NAALADL2: variants seen among roughly 807,000 people sequenced by gnomAD.
NAALADL2 encodes inactive N-acetylated-alpha-linked acidic dipeptidase-like protein 2.
In NAALADL2, 76 loss-of-function variants were observed where a neutral mutation model predicts 87.2. That is an observed-to-expected ratio of 0.87 (90% confidence interval 0.72 to 1.05). NAALADL2 has a LOEUF of 1.05. NAALADL2 is among the 50% of genes least tolerant of loss of function. The pLI is 0.00. For missense variants in NAALADL2, 1,089 were observed against 945.8 expected (o/e 1.15, Z -1.99); for synonymous variants, 354 against 331.0 (o/e 1.07, Z -0.75).
chr3:175,177,295 T>G (rs561398324), intron 2 of NAALADL2, among the ~76,000 whole-genome samples: 1 of 152,278 alleles, frequency 6.6e-6, no homozygotes, highest in Non-Finnish European at 1.5e-5. Context: ...AAAGCTGCTA[T>G]CTGACCTCTA....
intron 11 of NAALADL2, among the ~76,000 whole-genome samples, chr3:175,717,337 C>T (rs1741446625): frequency 6.6e-6 from 1 of 152,088 alleles, no homozygotes; most frequent in African/African-American, 2.4e-5. Flanking sequence ...TCTCAATTTC[C>T]TCTAAGAACG....
At chr3:175,449,005 C>A (rs1581933160) in intron 6 of NAALADL2, among the ~76,000 whole-genome samples, 1 of 152,184 alleles carries the variant, frequency 6.6e-6, no homozygotes, top group African/African-American at 2.4e-5. Context: ...TATGAGCCAC[C>A]ATAACTGGAT....
At chr3:174,824,663 C>G (rs1340878529) in intron 3 of NAALADL2, among the ~76,000 whole-genome samples, 2 of 152,076 alleles carry the variant, frequency 1.3e-5, no homozygotes, top group East Asian at 3.9e-4. Context: ...CTAGATAAAT[C>G]AATCAATTAG....
At chr3:174,598,607 G>A (rs774495331) in intron 2 of NAALADL2, among the ~76,000 whole-genome samples, 28 of 152,102 alleles carry the variant, frequency 1.8e-4, no homozygotes, top group Non-Finnish European at 2.8e-4. Flanking sequence ...TCCTGATAAG[G>A]AGAATTATGA....
chr3:175,213,595 AT>A (rs1384925147), intron 2 of NAALADL2, among the ~76,000 whole-genome samples: 1 of 152,206 alleles, frequency 6.6e-6, no homozygotes, highest in Non-Finnish European at 1.5e-5. Flanking sequence ...GTAACTATGC[AT>A]TTACATAGTG....
At chr3:174,816,456 G>C (rs1228802351) in intron 3 of NAALADL2, among the ~76,000 whole-genome samples, 1 of 149,588 alleles carries the variant, frequency 6.7e-6, no homozygotes, top group Non-Finnish European at 1.5e-5. Flanking sequence ...GACAGAGGGA[G>C]AGACTATATA....
chr3:175,578,532 A>T, intron 10 of NAALADL2, among the ~76,000 whole-genome samples: 1 of 152,188 alleles, frequency 6.6e-6, no homozygotes, highest in Non-Finnish European at 1.5e-5. Flanking sequence ...TATACCCCTT[A>T]TATCATTTAT....
rs1206470308 is a variant in NAALADL2, at chr3:175,809,510, TTAAAAAAAAAAAAAA to T, written c.*6308_*6322del. 1.6e-3 allele frequency: 56 copies of T among 34,390 alleles called. No individual in the cohort carries two copies. Among genetic ancestry groups the T allele is most frequent in the African/African-American group, 3.4e-3 (52 of 15,104 alleles). The allele number at this position is 34,390 out of a possible 1,614,324, so 2.1% of individuals were successfully genotyped here. On this transcript the variant is annotated 3_prime_UTR_variant, in exon 14 of 14. Transcript: ENST00000454872. ...GCAACAAAGTGAGACCCTGTCTCTC[TTAAAAAAAAAAAAAA>T]AAAAAAAAAAAAAAGAAAAGAAAAA...
chr3:175,228,019 T>A (rs529337199), intron 2 of NAALADL2, among the ~76,000 whole-genome samples: 1 of 152,088 alleles, frequency 6.6e-6, no homozygotes, highest in East Asian at 1.9e-4. Context: ...GAAATCATAT[T>A]TTCTAGAGAC....
chr3:174,835,037 A>G (rs913536074), intron 3 of NAALADL2, among the ~76,000 whole-genome samples: 6 of 151,528 alleles, frequency 4.0e-5, no homozygotes, highest in Non-Finnish European at 7.4e-5. Flanking sequence ...TACACTTTCT[A>G]ATTTTAATAC....
At chr3:175,676,326 C>G (rs1734775130) in intron 11 of NAALADL2, 1 of 152,158 alleles carries the variant, frequency 6.6e-6, no homozygotes, top group Admixed American at 6.6e-5. Flanking sequence ...ATAGAACCAT[C>G]CTCCCTCTTA....
At chr3:174,666,105 T>A (rs934643467) in intron 2 of NAALADL2, among the ~76,000 whole-genome samples, 1 of 152,128 alleles carries the variant, frequency 6.6e-6, no homozygotes, top group Admixed American at 6.6e-5. Flanking sequence ...TGGGGTATAG[T>A]TTATTCCATG....
At chr3:175,072,858 A>G (rs920449632) in intron 1 of NAALADL2, among the ~76,000 whole-genome samples, 1 of 152,046 alleles carries the variant, frequency 6.6e-6, no homozygotes, top group Non-Finnish European at 1.5e-5. Flanking sequence ...AAAAAAACGA[A>G]AAATGGAAAA....
At chr3:174,856,347 A>G (rs1456587605), upstream of NAALADL2, among the ~76,000 whole-genome samples, 5 of 152,084 alleles carry the variant, frequency 3.3e-5, no homozygotes, top group Admixed American at 6.6e-5. Context: ...CTGAATCCAC[A>G]CTTTTCCTTT....
At chr3:175,191,001 AAAAG>A (rs1052113981) in intron 2 of NAALADL2, among the ~76,000 whole-genome samples, 7 of 151,058 alleles carry the variant, frequency 4.6e-5, no homozygotes, top group Non-Finnish European at 8.8e-5. Context: ...AAAAAAAAGA[AAAAG>A]AAAAGTAACC....
At chr3:175,423,098 C>A (rs1581819740) in intron 5 of NAALADL2, among the ~76,000 whole-genome samples, 1 of 135,012 alleles carries the variant, frequency 7.4e-6, no homozygotes. Context: ...GTTTATTTAG[C>A]TTTTAAAAAG....
chr3:175,013,316 T>TTTTTA (rs1750397154), intron 1 of NAALADL2, among the ~76,000 whole-genome samples: 6 of 127,004 alleles, frequency 4.7e-5, no homozygotes, highest in Non-Finnish European at 6.4e-5. Flanking sequence ...TTTTTTTTTT[T>TTTTTA]GAGACAGGGT....
At chr3:174,476,092 A>G (rs1413050904) in intron 1 of NAALADL2, among the ~76,000 whole-genome samples, 1 of 152,036 alleles carries the variant, frequency 6.6e-6, no homozygotes, top group African/African-American at 2.4e-5. Context: ...TCCAAATGTA[A>G]TATCTAATGA....
intron 1 of NAALADL2, among the ~76,000 whole-genome samples, chr3:175,033,588 T>G (rs933477103): frequency 1.3e-5 from 2 of 152,148 alleles, no homozygotes; most frequent in Non-Finnish European, 2.9e-5. Context: ...TCAGTCTTCA[T>G]GTAATTCAAT....
Sources: allele counts gnomAD v4.1 joint callset (sites outside exome capture counted in the v4.1 genomes callset), GRCh38; gene constraint gnomAD v4.1.1; transcripts MANE v1.5; gene names NCBI Gene and HGNC (gene_info 2026-07-23, HGNC 2026-07-21).